The following ASCC2 variants were observed in gnomAD, a reference collection of about 807,000 sequenced individuals.
The protein encoded by ASCC2 is ASC-1 complex subunit P100.
In ASCC2, 42 loss-of-function variants were observed where a neutral mutation model predicts 93.5. That is an observed-to-expected ratio of 0.45 (90% CI 0.35 to 0.58). The LOEUF is 0.58. Among genes scored for constraint, ASCC2 ranks in the 20% least tolerant of loss-of-function variants. ASCC2 has a pLI of 0.00. For synonymous variants in ASCC2, 364 were observed against 384.2 expected (o/e 0.95, Z 0.62); for missense variants, 859 against 977.6 (o/e 0.88, Z 1.62).
chr22:29,801,250 C>G (rs2059043055), intron 14 of ASCC2, 140 bp from the exon 15 acceptor site: 2 of 1,166,838 alleles, frequency 1.7e-6, no homozygotes, highest in Non-Finnish European at 2.3e-6. Flanking sequence ...ATCTCAAAAC[C>G]TTGAAGAGGG....
chr22:29,819,643 C>T (rs1344036698), intron 5 of ASCC2, among the ~76,000 whole-genome samples: 1 of 152,156 alleles, frequency 6.6e-6, no homozygotes, highest in Non-Finnish European at 1.5e-5. Flanking sequence ...TCTTCTTAGC[C>T]ACCAAGCAAT....
At chr22:29,823,307 G>A (rs543027058) in intron 4 of ASCC2, among the ~76,000 whole-genome samples, 3 of 152,292 alleles carry the variant, frequency 2.0e-5, no homozygotes, top group South Asian at 2.1e-4. Context: ...CCAAAGTGCT[G>A]GGATTACAGG....
At chr22:29,820,913 C>A (rs78757500) in intron 5 of ASCC2, among the ~76,000 whole-genome samples, 3,894 of 68,354 alleles carry the variant, frequency 0.057, 75 homozygotes, top group Non-Finnish European at 0.078. Context: ...TCTCAATACA[C>A]AAAAAAAAAA....
Position 29,789,077 on chromosome 22 carries a change from C to G in ASCC2, c.2210G>C (p.Arg737Thr). The G allele has an allele frequency of 7.4e-6, 12 of 1,614,194 alleles. No individual in the cohort carries two copies. The highest frequency in any genetic ancestry group is 1.0e-5 in the Non-Finnish European group (12 of 1,180,040). Reference sequence around the variant, plus strand: ...CATGGTTCTCCGGTTGTGGTTGGCTCTTGTCGCCTTGTTGGCTTCCTTCTT... The same window carrying G: ...CATGGTTCTCCGGTTGTGGTTGGCTGTTGTCGCCTTGTTGGCTTCCTTCTT... The part of the protein sequence containing the change: ...RRKKEANKAT[R>T]ANHNRRTMAD... The change falls in exon 20 of 20, where the codon AGA (arginine) becomes ACA (threonine). Residue 737 changes from arginine (R) to threonine (T), a missense_variant. Arg to Thr is a moderately conservative substitution (Grantham distance 71). Coordinates refer to ENST00000307790, the MANE Select transcript of ASCC2 (RefSeq NM_032204.5).
chr22:29,818,739 G>A (rs1461294105), intron 5 of ASCC2, among the ~76,000 whole-genome samples: 3 of 151,932 alleles, frequency 2.0e-5, no homozygotes, highest in East Asian at 3.9e-4. Flanking sequence ...CCATCACCAC[G>A]CAGTCCCCTC....
intron 7 of ASCC2, among the ~76,000 whole-genome samples, chr22:29,814,013 G>T (rs1421656952): frequency 6.6e-6 from 1 of 152,226 alleles, no homozygotes; most frequent in Non-Finnish European, 1.5e-5. Flanking sequence ...AGGCTGGGAA[G>T]CTATTGAGGA....
At chr22:29,812,386 C>T (rs2060373833) in intron 8 of ASCC2, among the ~76,000 whole-genome samples, 2 of 152,216 alleles carry the variant, frequency 1.3e-5, no homozygotes, top group Non-Finnish European at 1.5e-5. Context: ...TTTCTTACTG[C>T]ACAAGCAACA....
chr22:29,803,986 C>T (rs969967925), intron 13 of ASCC2, among the ~76,000 whole-genome samples: 1 of 152,216 alleles, frequency 6.6e-6, no homozygotes, highest in African/African-American at 2.4e-5. Context: ...GATGAGGAAC[C>T]AAGGTTCAAC....
intron 15 of ASCC2, among the ~76,000 whole-genome samples, chr22:29,799,000 G>C (rs1019789904): frequency 1.3e-5 from 2 of 152,262 alleles, no homozygotes; most frequent in African/African-American, 4.8e-5. Flanking sequence ...CAGTGTTCCA[G>C]AAACCTGGCC....
chr22:29,799,013 C>G (rs912863288), intron 15 of ASCC2, among the ~76,000 whole-genome samples: 1 of 152,244 alleles, frequency 6.6e-6, no homozygotes, highest in African/African-American at 2.4e-5. Flanking sequence ...ACCTGGCCAC[C>G]TCAATGCCAG....
rs544519151 is a variant in ASCC2, at chr22:29,801,634, C to T, written c.1568+360G>A. ...TGTGATGAAAGTGAGACGCTGTGGC[C>T]ATCCTCTCTCACAAATCTACTGGGA... On this transcript the variant is annotated intron_variant, in intron 14 of 19. Transcript: ENST00000307790. 2.6e-3 allele frequency among the ~76,000 whole-genome samples: 395 copies of T among 152,284 alleles called. 2 individuals carry two copies. The highest frequency in any genetic ancestry group is 3.1e-3 in the Non-Finnish European group (210 of 68,020).
intron 8 of ASCC2, among the ~76,000 whole-genome samples, chr22:29,813,030 T>G (rs1011467544): frequency 1.3e-5 from 2 of 152,106 alleles, no homozygotes; most frequent in Non-Finnish European, 1.5e-5. Context: ...TACAGGTGCA[T>G]GCTGCCATGC....
In ASCC2 at chr22:29,808,154, C is replaced by T. The variant is rs1185876597; in HGVS notation, c.865G>A (p.Glu289Lys). ...CTCTTCTTAATTGCAGACTCCATTT[C>T]GGGAATTGCTGCTTCGTAGAAGGAA... Reference protein sequence around the residue: ...LASFYEAAIPEMESAIKKRRL... With the variant: ...LASFYEAAIPKMESAIKKRRL... The change falls in exon 9 of 20, where the codon GAA (glutamate) becomes AAA (lysine). Residue 289 changes from glutamate (E) to lysine (K), a missense_variant. Coordinates refer to ENST00000307790, the MANE Select transcript of ASCC2 (RefSeq NM_032204.5). 2 of 1,614,222 alleles carry T rather than the reference C, an allele frequency of 1.2e-6. No individual in the cohort carries two copies. The highest frequency in any genetic ancestry group is 1.1e-5 in the South Asian group (1 of 91,088).
intron 2 of ASCC2, among the ~76,000 whole-genome samples, chr22:29,829,689 A>G (rs1453990343): frequency 1.3e-5 from 2 of 149,328 alleles, no homozygotes; most frequent in Non-Finnish European, 3.0e-5. Context: ...ACAGAGCAAG[A>G]CTCTGTCTGG....
intron 2 of ASCC2, chr22:29,826,155 T>G: frequency 5.8e-6 from 1 of 171,458 alleles, no homozygotes; most frequent in Admixed American, 5.6e-5. Context: ...TGTAAGTATA[T>G]TCACACACTG....
intron 15 of ASCC2, among the ~76,000 whole-genome samples, chr22:29,793,906 T>G (rs2058092928): frequency 6.6e-6 from 1 of 151,550 alleles, no homozygotes; most frequent in Non-Finnish European, 1.5e-5. Context: ...CCACTGTTTT[T>G]TTTTTTTTTT....
Position 29,806,231 on chromosome 22 carries a change from T to C in ASCC2, c.1145A>G (p.Gln382Arg), listed in dbSNP as rs2059660109. ...AGAAGGATACAAGACTGATGAGGCCTGCTGCAGCAAGCTGATGTCTTCGGC... is the reference window on the plus strand; with the variant it reads ...AGAAGGATACAAGACTGATGAGGCCCGCTGCAGCAAGCTGATGTCTTCGGC... ...PVAEDISLLQ[Q>R]ASSVLDETRT... Residue 382 changes from glutamine to arginine, a missense_variant, in exon 12 of 20, where the codon CAG becomes CGG. Gln to Arg is a conservative substitution (Grantham distance 43). Transcript: ENST00000307790. 1 of 1,614,184 alleles carries C rather than the reference T, an allele frequency of 6.2e-7. No homozygotes were observed. The highest frequency in any genetic ancestry group is 1.3e-5 in the African/African-American group (1 of 75,046).
At chr22:29,821,841 T>G in intron 5 of ASCC2, 1 of 363,132 alleles carries the variant, frequency 2.8e-6, no homozygotes. Context: ...AAAAAAAATT[T>G]TTTTTTAATT....
chr22:29,835,221 AC>A (rs1238332501), intron 1 of ASCC2, among the ~76,000 whole-genome samples: 1 of 151,966 alleles, frequency 6.6e-6, no homozygotes, highest in Non-Finnish European at 1.5e-5. Context: ...ACATAGTGAG[AC>A]CCCCATCTCT....
Sources: allele counts gnomAD v4.1 joint callset (sites outside exome capture counted in the v4.1 genomes callset), GRCh38; gene constraint gnomAD v4.1.1; transcripts MANE v1.5; gene names NCBI Gene and HGNC (gene_info 2026-07-23, HGNC 2026-07-21).